PTPRN2: variants seen among roughly 807,000 people sequenced by gnomAD.
PTPRN2 encodes the protein receptor-type tyrosine-protein phosphatase N2.
A neutral mutation model predicts 118.8 loss-of-function variants in PTPRN2; 74 were observed. That is an observed-to-expected ratio of 0.62 (90% CI 0.52 to 0.76). The LOEUF (loss-of-function observed/expected upper bound fraction) is 0.76. Ranked by LOEUF, PTPRN2 falls within the 30% of genes least tolerant of loss-of-function variation. The probability of loss-of-function intolerance (pLI) is 0.00; values close to 1 mark genes in which losing one functional copy is unlikely to be tolerated. For synonymous variants in PTPRN2, 641 were observed against 608.0 expected, an observed-to-expected ratio of 1.05 and a Z score of -0.80; for missense variants, 1,481 against 1,394.4, an observed-to-expected ratio of 1.06 and a Z score of -0.99.
At chr7:157,969,022 G>T (rs1802132601) in intron 11 of PTPRN2, among the ~76,000 whole-genome samples, 1 of 152,188 alleles carries the variant, frequency 6.6e-6, no homozygotes, top group African/African-American at 2.4e-5. Flanking sequence ...TATACTCGTT[G>T]AAATTTTTAA....
intron 12 of PTPRN2, among the ~76,000 whole-genome samples, chr7:157,716,165 G>A (rs1452419016): frequency 6.6e-6 from 1 of 151,762 alleles, no homozygotes; most frequent in Non-Finnish European, 1.5e-5. Context: ...CATCGCCTTG[G>A]GCTGAAAAAG....
intron 3 of PTPRN2, among the ~76,000 whole-genome samples, chr7:158,257,853 C>CCT (rs1797135464): frequency 6.6e-6 from 1 of 152,242 alleles, no homozygotes; most frequent in Admixed American, 6.5e-5. Flanking sequence ...CAGCCCATGC[C>CCT]CTCCCCTGCT....
Position 157,615,582 on chromosome 7 carries a change from C to T in PTPRN2, c.2344+5780G>A, listed in dbSNP as rs1313442713. 1 of 471,228 alleles carries T rather than the reference C, an allele frequency of 2.1e-6. No homozygotes were observed. Among genetic ancestry groups the T allele is most frequent in the Non-Finnish European group, 4.4e-6 (1 of 227,076 alleles). The allele number at this position is 471,228 out of a possible 1,614,324, so 29.2% of individuals were successfully genotyped here. A position where few individuals can be genotyped will look rare whatever the true frequency, so the allele number is the denominator to read the frequency against. On this transcript the variant is annotated intron_variant, in intron 15 of 22. Coordinates refer to ENST00000389418, the MANE Select transcript of PTPRN2 (RefSeq NM_002847.5). This position sits in a 1 kb window ranked among gnomAD's most constrained non-coding sequence, Gnocchi z 4.3. ...GCCCTGGAACCAGCGCCTGGGAAGTCCCGCGGTGGATCCGCGTCACGGGGG... is the reference window on the plus strand; with the variant it reads ...GCCCTGGAACCAGCGCCTGGGAAGTTCCGCGGTGGATCCGCGTCACGGGGG...
chr7:158,068,307 C>T (rs1468400219), intron 11 of PTPRN2, among the ~76,000 whole-genome samples: 3 of 152,320 alleles, frequency 2.0e-5, no homozygotes, highest in African/African-American at 2.4e-5. Context: ...GTGGGGTGCC[C>T]GTGCTCATGG....
At chr7:157,604,584 C>T (rs958954692) in intron 15 of PTPRN2, among the ~76,000 whole-genome samples, 4 of 152,180 alleles carry the variant, frequency 2.6e-5, no homozygotes, top group East Asian at 1.9e-4. Context: ...AGCAATCGCC[C>T]GCGTTTCAAA....
intron 12 of PTPRN2, among the ~76,000 whole-genome samples, chr7:157,707,268 TACAC>T (rs1160076861): frequency 6.6e-6 from 1 of 150,842 alleles, no homozygotes; most frequent in Non-Finnish European, 1.5e-5. Context: ...ACACCACACA[TACAC>T]ACAGACACAT....
rs1796245 is a variant in PTPRN2 at position 157,729,392 on chromosome 7, C to T, written c.1789-46455G>A. Among the ~76,000 whole-genome samples, 4 of 151,636 alleles carry T rather than the reference C, an allele frequency of 2.6e-5. No homozygotes were observed. Among genetic ancestry groups the T allele is most frequent in the African/African-American group, 9.7e-5 (4 of 41,266 alleles). Reference sequence around the variant, plus strand: ...GGATGCCTTCAGGTCCCGGACCCCCCACTCTGCTCCCGTGGACAGCTCCAT... The same window carrying T: ...GGATGCCTTCAGGTCCCGGACCCCCTACTCTGCTCCCGTGGACAGCTCCAT... On this transcript the variant is annotated intron_variant, in intron 12 of 22. Transcript: ENST00000389418. The surrounding 1 kb of genome is among the most constrained non-coding windows in gnomAD (Gnocchi z 4.3).
At chr7:157,725,988 C>T (rs1347128206) in intron 12 of PTPRN2, among the ~76,000 whole-genome samples, 9 of 142,216 alleles carry the variant, frequency 6.3e-5, no homozygotes, top group East Asian at 2.1e-4. Context: ...TGAGCCAGAC[C>T]CTCGCCTCCC....
chr7:157,829,582 C>T (rs566911828), intron 12 of PTPRN2, among the ~76,000 whole-genome samples: 1 of 152,356 alleles, frequency 6.6e-6, no homozygotes, highest in Non-Finnish European at 1.5e-5. Context: ...CACGGAAAAG[C>T]TGAGGACGAG....
chr7:158,104,607 C>T (rs1815512239), intron 10 of PTPRN2, among the ~76,000 whole-genome samples: 1 of 152,128 alleles, frequency 6.6e-6, no homozygotes, highest in Admixed American at 6.5e-5. Context: ...GAGCCAACAA[C>T]CACCCATGAT....
rs183105401 is a variant in PTPRN2 at position 158,140,812 on chromosome 7, C to G, written c.911-2297G>C. On this transcript the variant is annotated intron_variant, in intron 6 of 22. Transcript: ENST00000389418. The stretch of plus-strand genomic sequence containing the variant: ...GCATCTCGCCGTGTGTATACTCCCC[C>G]TCAACAGCAGCAATAAAGACTCTGC... Among the ~76,000 whole-genome samples the G allele has an allele frequency of 2.2e-4, 33 of 152,364 alleles. No individual in the cohort carries two copies. In the South Asian group the frequency reaches 6.8e-3, roughly 32 times the overall value.
intron 3 of PTPRN2, among the ~76,000 whole-genome samples, chr7:158,223,378 TACAG>T (rs1828507842): frequency 6.6e-6 from 1 of 152,080 alleles, no homozygotes; most frequent in Non-Finnish European, 1.5e-5. Flanking sequence ...AAAAGAAACC[TACAG>T]ACCAAAATCC....
rs571303864 is a variant in PTPRN2 at position 157,718,867 on chromosome 7, C to T, written c.1789-35930G>A. ...GTGTCCGACCTCTGGGGCCCTCAGA[C>T]CCCCAAACCCACCTTGTCGCTGTGG... On this transcript the variant is annotated intron_variant, in intron 12 of 22. Transcript: ENST00000389418. Among the ~76,000 whole-genome samples, 199 of 152,304 alleles carry T rather than the reference C, an allele frequency of 1.3e-3. No homozygotes were observed. In the Middle Eastern group the frequency reaches 0.014, roughly 10 times the overall value.
intron 2 of PTPRN2, among the ~76,000 whole-genome samples, chr7:158,354,900 C>A (rs958180871): frequency 1.3e-5 from 2 of 152,094 alleles, no homozygotes; most frequent in Non-Finnish European, 2.9e-5. Flanking sequence ...AGCTCAAGGG[C>A]AAAGAGAAGA....
intron 12 of PTPRN2, among the ~76,000 whole-genome samples, chr7:157,754,596 C>T (rs1448852139): frequency 6.6e-6 from 1 of 152,262 alleles, no homozygotes; most frequent in Non-Finnish European, 1.5e-5. Context: ...GGCTTCATCA[C>T]CACCTTTGGA....
At chr7:157,688,111 A>T (rs764700870) in intron 12 of PTPRN2, among the ~76,000 whole-genome samples, 4 of 152,260 alleles carry the variant, frequency 2.6e-5, no homozygotes, top group African/African-American at 7.2e-5. Context: ...CAAAAAAGCA[A>T]AAGAAAAGAA....
chr7:158,440,428 A>AGTGG (rs1420601478), intron 2 of PTPRN2, among the ~76,000 whole-genome samples: 1 of 151,650 alleles, frequency 6.6e-6, no homozygotes, highest in Admixed American at 6.6e-5. Flanking sequence ...TAGTGAAAGC[A>AGTGG]GTGGTGGTGG....
intron 3 of PTPRN2, among the ~76,000 whole-genome samples, chr7:158,310,189 G>A (rs1801590229): frequency 6.6e-6 from 1 of 152,218 alleles, no homozygotes; most frequent in Non-Finnish European, 1.5e-5. Context: ...AAATGCAGAA[G>A]CAACTTTGGG....
At position 158,432,028 on chromosome 7, in the gene PTPRN2, A is replaced by G. The variant is rs536048552; in HGVS notation, c.163+57707T>C. Among the ~76,000 whole-genome samples the G allele has an allele frequency of 5.6e-3, 849 of 152,342 alleles. 8 individuals carry two copies. The highest frequency in any genetic ancestry group is 0.019 in the African/African-American group (790 of 41,580). On this transcript the variant is annotated intron_variant, in intron 2 of 22. Transcript: ENST00000389418. ...CATCCTCAGAGTCCAATCCACTCTA[A>G]CAGGATCCCCTTTGGTCACATGACC... is the stretch of plus-strand genomic sequence containing the variant.
Sources: allele counts gnomAD v4.1 joint callset (sites outside exome capture counted in the v4.1 genomes callset), GRCh38; gene constraint gnomAD v4.1.1; non-coding constraint Gnocchi (gnomAD v3.1); transcripts MANE v1.5; gene names NCBI Gene and HGNC (gene_info 2026-07-23, HGNC 2026-07-21).